Variants in CTDSPL observed in about 807,000 individuals in gnomAD.
CTDSPL encodes the protein CTD small phosphatase-like protein.
CTDSPL carries 8 observed loss-of-function variants against 30.5 expected under a neutral mutation model. The observed-to-expected ratio is 0.26, with a 90% confidence interval of 0.15 to 0.47. CTDSPL has a LOEUF of 0.47. CTDSPL is among the 20% of genes least tolerant of loss of function. The probability of loss-of-function intolerance (pLI) is 0.99; values close to 1 mark genes in which losing one functional copy is unlikely to be tolerated. For missense variants in CTDSPL, 248 were observed against 366.1 expected (o/e 0.68, Z 2.63); for synonymous variants, 110 against 137.9 (o/e 0.80, Z 1.42).
intron 1 of CTDSPL, among the ~76,000 whole-genome samples, chr3:37,894,611 T>C (rs1050602229): frequency 3.3e-5 from 5 of 152,212 alleles, no homozygotes; most frequent in African/African-American, 1.2e-4. Flanking sequence ...TCTGTAAATT[T>C]AAAGACTTTG....
intron 1 of CTDSPL, among the ~76,000 whole-genome samples, chr3:37,886,453 A>G (rs1405204702): frequency 6.6e-6 from 1 of 152,142 alleles, no homozygotes; most frequent in Admixed American, 6.5e-5. Context: ...ACTTTAGCCC[A>G]TAGTGATTTT....
intron 1 of CTDSPL, among the ~76,000 whole-genome samples, chr3:37,864,879 C>G (rs553615917): frequency 7.2e-5 from 11 of 152,116 alleles, no homozygotes; most frequent in Admixed American, 7.2e-4. Flanking sequence ...TACATGTTTA[C>G]TTTCATCATT....
In CTDSPL at chr3:37,862,126, C is replaced by G; in HGVS notation, c.-74C>G. 1.4e-6 allele frequency: 1 copy of G among 690,494 alleles called. No individual in the cohort carries two copies. The allele number at this position is 690,494 out of a possible 1,614,324, so 42.8% of individuals were successfully genotyped here. A position where few individuals can be genotyped will look rare whatever the true frequency, so the allele number is the denominator to read the frequency against. ...CGCCCCCCCGCGCCGCGCCCCCGCG[C>G]CCCCCGCGCCGCGCCCCCGCGCGCT... On this transcript the variant is annotated 5_prime_UTR_variant, in exon 1 of 8. Coordinates refer to ENST00000273179, the MANE Select transcript of CTDSPL (RefSeq NM_001008392.2). This position sits in a 1 kb window ranked among gnomAD's most constrained non-coding sequence, Gnocchi z 4.3.
chr3:37,966,117 A>G (rs1699296142), intron 4 of CTDSPL, among the ~76,000 whole-genome samples: 1 of 152,138 alleles, frequency 6.6e-6, no homozygotes, highest in Non-Finnish European at 1.5e-5. Flanking sequence ...TGGCCAGATC[A>G]CCTGATGTTA....
chr3:37,975,867 C>T lies in CTDSPL; in HGVS notation c.678C>T (p.Ala226=), dbSNP rs1448092109. ...SKVIIVDNSP[A]SYIFHPENAV... ...TGATCATTGTTGACAATTCCCCTGC[C>T]TCATACATCTTCCATCCTGAGAATG... The change falls in exon 7 of 8, where the codon GCC becomes GCT. Residue 226 remains alanine, a synonymous_variant. Coordinates refer to ENST00000273179, the MANE Select transcript of CTDSPL (RefSeq NM_001008392.2). This position sits in a 1 kb window ranked among gnomAD's most constrained non-coding sequence, Gnocchi z 4.9. 6.2e-7 allele frequency: 1 copy of T among 1,614,044 alleles called. No individual in the cohort carries two copies. The highest frequency in any genetic ancestry group is 8.5e-7 in the Non-Finnish European group (1 of 1,179,914).
chr3:37,967,979 T>G, intron 5 of CTDSPL, 97 bp downstream of exon 5: 1 of 829,856 alleles, frequency 1.2e-6, no homozygotes, highest in Non-Finnish European at 1.9e-6. Flanking sequence ...CAGTAATAAC[T>G]TTATTACGGA....
chr3:37,921,047 G>A (rs116651659), intron 1 of CTDSPL, among the ~76,000 whole-genome samples: 402 of 152,332 alleles, frequency 2.6e-3, no homozygotes, highest in Non-Finnish European at 4.2e-3. Context: ...CATGACAAGG[G>A]AGAGAAAGAG....
intron 2 of CTDSPL, among the ~76,000 whole-genome samples, chr3:37,951,644 C>A (rs1236232484): frequency 6.6e-6 from 1 of 151,164 alleles, no homozygotes; most frequent in African/African-American, 2.4e-5. Context: ...TCGCACCACT[C>A]CCCTCCAGCC....
At chr3:37,885,065 C>T (rs1698248819) in intron 1 of CTDSPL, among the ~76,000 whole-genome samples, 1 of 152,130 alleles carries the variant, frequency 6.6e-6, no homozygotes, top group African/African-American at 2.4e-5. Flanking sequence ...CAGCAGGCTT[C>T]ACAGAGCTTC....
chr3:37,960,046 A>G (rs368281481), intron 3 of CTDSPL, among the ~76,000 whole-genome samples: 1 of 152,110 alleles, frequency 6.6e-6, no homozygotes, highest in South Asian at 2.1e-4. Flanking sequence ...TCTATAAAAT[A>G]TACACAAAAT....
intron 1 of CTDSPL, among the ~76,000 whole-genome samples, chr3:37,875,157 G>A (rs1423619947): frequency 6.6e-6 from 1 of 152,188 alleles, no homozygotes; most frequent in Non-Finnish European, 1.5e-5. Flanking sequence ...ACTGTTTGTA[G>A]CACTGGGTTG....
intron 1 of CTDSPL, among the ~76,000 whole-genome samples, chr3:37,914,537 A>G (rs1167090554): frequency 2.0e-5 from 3 of 152,228 alleles, no homozygotes; most frequent in Non-Finnish European, 4.4e-5. Flanking sequence ...GTTTTATTAT[A>G]AATGGATGTT....
At chr3:37,968,658 T>G (rs1699328143) in intron 5 of CTDSPL, among the ~76,000 whole-genome samples, 1 of 152,196 alleles carries the variant, frequency 6.6e-6, no homozygotes, top group African/African-American at 2.4e-5. Flanking sequence ...GAAGGAGACT[T>G]TCCTGGTACT....
chr3:37,904,870 C>T (rs1434557668), intron 1 of CTDSPL, among the ~76,000 whole-genome samples: 7 of 152,190 alleles, frequency 4.6e-5, no homozygotes, highest in Non-Finnish European at 1.0e-4. Flanking sequence ...TTTCCTGCCT[C>T]TAGGTCTCCT....
intron 5 of CTDSPL, chr3:37,969,292 C>G: frequency 2.2e-6 from 1 of 459,376 alleles, no homozygotes; most frequent in South Asian, 1.6e-5. Context: ...CACCCTCCAT[C>G]CTGGCTGTGC....
At chr3:37,888,705 A>G (rs1212025921) in intron 1 of CTDSPL, among the ~76,000 whole-genome samples, 1 of 152,242 alleles carries the variant, frequency 6.6e-6, no homozygotes, top group African/African-American at 2.4e-5. Flanking sequence ...GAGACCAGAA[A>G]GCCAGTTTGT....
intron 1 of CTDSPL, among the ~76,000 whole-genome samples, chr3:37,945,667 C>T (rs1286692501): frequency 6.6e-6 from 1 of 152,180 alleles, no homozygotes; most frequent in African/African-American, 2.4e-5. Context: ...CCCAAGGATC[C>T]TTGAGGAAGA....
chr3:37,943,740 AG>A (rs1446882395), intron 1 of CTDSPL, among the ~76,000 whole-genome samples: 2 of 150,186 alleles, frequency 1.3e-5, no homozygotes, highest in Non-Finnish European at 3.0e-5. Context: ...AAGCGAGGAA[AG>A]GTGGTGAGAG....
chr3:37,947,554 A>G (rs1024755259), intron 2 of CTDSPL, among the ~76,000 whole-genome samples: 3 of 152,160 alleles, frequency 2.0e-5, no homozygotes, highest in Non-Finnish European at 4.4e-5. Context: ...GAGCGAAACT[A>G]TGTCTCAAAA....
Sources: allele counts gnomAD v4.1 joint callset (sites outside exome capture counted in the v4.1 genomes callset), GRCh38; gene constraint gnomAD v4.1.1; non-coding constraint Gnocchi (gnomAD v3.1); transcripts MANE v1.5; gene names NCBI Gene and HGNC (gene_info 2026-07-23, HGNC 2026-07-21).